Variants in CDC45 observed in about 807,000 individuals in gnomAD.
CDC45 encodes cell division control protein 45 homolog.
Under a neutral mutation model 77.8 loss-of-function variants are expected in CDC45, and 54 were observed. The ratio of observed to expected loss-of-function variants is 0.69; its 90% CI spans 0.56 to 0.87. CDC45 has a LOEUF of 0.87. Among genes scored for constraint, CDC45 ranks in the 40% least tolerant of loss-of-function variants. The pLI, the probability that CDC45 is intolerant of heterozygous loss-of-function variation, is 0.00. For synonymous variants in CDC45, 260 were observed against 272.1 expected, an observed-to-expected ratio of 0.96 and a Z score of 0.44; for missense variants, 649 against 721.6, an observed-to-expected ratio of 0.90 and a Z score of 1.15.
In CDC45 at chr22:19,483,926, A is replaced by G. The variant is rs1434303581; in HGVS notation, c.407A>G (p.Asp136Gly). ...CCCGCCTATGAAGACATCTTCAGGG[A>G]TGAAGAGGAGGATGAAGAGCATTCA... ...EVPAYEDIFR[D>G]EEEDEEHSGN... The change falls in exon 5 of 19, where the codon GAT (aspartate) becomes GGT (glycine). Residue 136 changes from aspartate (D) to glycine (G), a missense_variant. Coordinates refer to ENST00000263201, the MANE Select transcript of CDC45 (RefSeq NM_003504.5). 5.6e-6 allele frequency: 9 copies of G among 1,612,432 alleles called. No individual in the cohort carries two copies. Among genetic ancestry groups the G allele is most frequent in the Non-Finnish European group, 7.6e-6 (9 of 1,178,618 alleles).
intron 15 of CDC45, among the ~76,000 whole-genome samples, chr22:19,515,488 A>C (rs753255311): frequency 6.6e-6 from 1 of 152,188 alleles, no homozygotes; most frequent in Non-Finnish European, 1.5e-5. Flanking sequence ...GCTTTAGGGC[A>C]GGGGTCCTCA....
intron 13 of CDC45, among the ~76,000 whole-genome samples, chr22:19,510,990 T>A (rs1933481058): frequency 6.6e-6 from 1 of 152,220 alleles, no homozygotes; most frequent in Non-Finnish European, 1.5e-5. Flanking sequence ...ATGTCTTTGT[T>A]TCTTTTGGTT....
intron 7 of CDC45, among the ~76,000 whole-genome samples, chr22:19,496,363 A>G (rs1054166369): frequency 2.0e-5 from 3 of 152,244 alleles, no homozygotes; most frequent in Admixed American, 2.0e-4. Flanking sequence ...ATAAAACGCT[A>G]TAGACTTATA....
rs1376596361 is a variant in CDC45 at position 19,516,573 on chromosome 22, C to T, written c.1487C>T (p.Pro496Leu). The T allele has an allele frequency of 4.3e-6, 7 of 1,613,930 alleles. No homozygotes were observed. The highest frequency in any genetic ancestry group is 5.9e-6 in the Non-Finnish European group (7 of 1,179,998). The part of the protein sequence containing the change: ...CKLLPLVMAA[P>L]LSMEHGTVTV... The stretch of plus-strand genomic sequence containing the variant: ...CTGCTGCCCCTGGTGATGGCTGCCC[C>T]CCTGAGCATGGAGCATGGCACAGTG... Residue 496 changes from proline to leucine, a missense_variant, in exon 16 of 19, where the codon CCC (proline) becomes CTC (leucine). Transcript: ENST00000263201.
At chr22:19,515,146 G>A in intron 15 of CDC45, 98 bp downstream of exon 15, 1 of 1,102,278 alleles carries the variant, frequency 9.1e-7, no homozygotes, top group Non-Finnish European at 1.3e-6. Context: ...GCCTGTGGCT[G>A]TTGACCAGCT....
upstream of CDC45, chr22:19,479,572 G>A: frequency 1.7e-6 from 1 of 579,372 alleles, no homozygotes; most frequent in Non-Finnish European, 3.4e-6. Flanking sequence ...GCCCCATTGG[G>A]TATGTGACTG....
chr22:19,483,819 G>A lies in CDC45; in HGVS notation c.343-43G>A, dbSNP rs374766475. 111 of 1,570,608 alleles carry A rather than the reference G, an allele frequency of 7.1e-5. No homozygotes were observed. In the African/African-American group the frequency reaches 9.7e-4, roughly 14 times the overall value. ...AGAAGAACATATTGTATAGTTTTCC[G>A]TAGAAAGAGGAGAGGCTTAATTCCT... On this transcript the variant is annotated intron_variant, in intron 4 of 18. Coordinates refer to ENST00000263201, the MANE Select transcript of CDC45 (RefSeq NM_003504.5).
intron 4 of CDC45, among the ~76,000 whole-genome samples, chr22:19,483,597 T>C (rs1424431261): frequency 6.6e-6 from 1 of 152,160 alleles, no homozygotes; most frequent in Non-Finnish European, 1.5e-5. Context: ...TTTCCAGACT[T>C]AAGTAGACTA....
intron 17 of CDC45, among the ~76,000 whole-genome samples, chr22:19,517,850 C>T (rs1933884377): frequency 6.6e-6 from 1 of 152,234 alleles, no homozygotes; most frequent in African/African-American, 2.4e-5. Flanking sequence ...GGGGTAAGGG[C>T]TTCAACATAG....
chr22:19,518,769 C>G, intron 17 of CDC45, 75 bp from the exon 18 acceptor site: 1 of 1,182,710 alleles, frequency 8.5e-7, no homozygotes, highest in Non-Finnish European at 1.3e-6. Context: ...GGGCAGGCAG[C>G]GGAGGGGAGT....
chr22:19,511,637 T>G (rs946165211), intron 13 of CDC45, among the ~76,000 whole-genome samples: 3 of 152,128 alleles, frequency 2.0e-5, no homozygotes, highest in Admixed American at 6.5e-5. Flanking sequence ...GCCTAAAACT[T>G]TTATATATTC....
intron 13 of CDC45, among the ~76,000 whole-genome samples, chr22:19,511,587 C>T (rs1933516235): frequency 6.6e-6 from 1 of 152,152 alleles, no homozygotes; most frequent in Non-Finnish European, 1.5e-5. Context: ...GCCTTGGCCT[C>T]CCAAAGCACT....
chr22:19,500,262 GCT>G (rs2090316807), intron 9 of CDC45, among the ~76,000 whole-genome samples: 1 of 152,178 alleles, frequency 6.6e-6, no homozygotes, highest in Non-Finnish European at 1.5e-5. Context: ...GGGTCTTCCT[GCT>G]CTCATTGTGC....
intron 9 of CDC45, among the ~76,000 whole-genome samples, chr22:19,502,948 G>T (rs921097755): frequency 6.6e-6 from 1 of 151,890 alleles, no homozygotes; most frequent in Non-Finnish European, 1.5e-5. Context: ...GCACTTTGTC[G>T]GGGGTGGGAG....
At position 19,507,426 on chromosome 22, in the gene CDC45, A is replaced by G. The variant is rs749326542; in HGVS notation, c.865A>G (p.Ser289Gly). The change falls in exon 11 of 19, where the codon AGC becomes GGC. Residue 289 changes from serine to glycine, a missense_variant. Transcript: ENST00000263201. ...CTACCAGCACTGGTCCCTCCATGAC[A>G]GCCTGTGCAACACCAGCTATACCGC... is the stretch of plus-strand genomic sequence containing the variant. ...VLYQHWSLHD[S>G]LCNTSYTAAR... 6.8e-6 allele frequency: 11 copies of G among 1,614,130 alleles called. No individual in the cohort carries two copies. The highest frequency in any genetic ancestry group is 2.5e-6 in the Non-Finnish European group (3 of 1,180,026).
At chr22:19,498,015 A>G (rs537827114) in intron 8 of CDC45, among the ~76,000 whole-genome samples, 16 of 52,816 alleles carry the variant, frequency 3.0e-4, no homozygotes, top group African/African-American at 5.3e-4. Flanking sequence ...CAAAAATAGA[A>G]AAAAAAAAAT....
intron 10 of CDC45, among the ~76,000 whole-genome samples, chr22:19,506,162 CATG>C (rs1275689098): frequency 6.6e-6 from 1 of 152,174 alleles, no homozygotes; most frequent in Non-Finnish European, 1.5e-5. Context: ...AGTCAGATAG[CATG>C]ATGTCAGGGA....
intron 13 of CDC45, among the ~76,000 whole-genome samples, chr22:19,510,377 C>CT (rs1933445927): frequency 3.3e-5 from 5 of 152,186 alleles, no homozygotes; most frequent in Admixed American, 6.5e-5. Context: ...CTGGCAACCA[C>CT]CAGTCTCCCT....
chr22:19,518,420 C>T (rs1304821986), intron 17 of CDC45, among the ~76,000 whole-genome samples: 1 of 152,180 alleles, frequency 6.6e-6, no homozygotes, highest in Non-Finnish European at 1.5e-5. Flanking sequence ...CAGTTTGCAC[C>T]ATGTCCCCTT....
Sources: allele counts gnomAD v4.1 joint callset (sites outside exome capture counted in the v4.1 genomes callset), GRCh38; gene constraint gnomAD v4.1.1; transcripts MANE v1.5; gene names NCBI Gene and HGNC (gene_info 2026-07-23, HGNC 2026-07-21).